Variants in CDK14 observed in about 807,000 individuals in gnomAD.
CDK14 encodes cyclin dependent kinase 14.
In CDK14, 34 loss-of-function variants were observed where a neutral mutation model predicts 60.7. The ratio of observed to expected loss-of-function variants is 0.56; its 90% CI spans 0.43 to 0.75. The LOEUF (loss-of-function observed/expected upper bound fraction) is 0.75. Among genes scored for constraint, CDK14 ranks in the 30% least tolerant of loss-of-function variants. The pLI is 0.00. For synonymous variants in CDK14, 197 were observed against 203.7 expected (o/e 0.97, Z 0.28); for missense variants, 482 against 564.1 (o/e 0.85, Z 1.47).
chr7:90,927,299 ATTC>A (rs1241882318), intron 8 of CDK14, among the ~76,000 whole-genome samples: 2 of 152,128 alleles, frequency 1.3e-5, no homozygotes, highest in Non-Finnish European at 2.9e-5. Context: ...GCCACCAGTC[ATTC>A]TTCTTAGCAT....
At chr7:90,923,273 C>T (rs1793307480) in intron 8 of CDK14, among the ~76,000 whole-genome samples, 2 of 151,944 alleles carry the variant, frequency 1.3e-5, no homozygotes, top group South Asian at 4.2e-4. Context: ...CCACTCCTGG[C>T]TAATTTTTTG....
intron 14 of CDK14, among the ~76,000 whole-genome samples, chr7:91,146,450 C>T (rs780538056): frequency 7.9e-5 from 12 of 151,442 alleles, no homozygotes; most frequent in African/African-American, 1.2e-4. Flanking sequence ...ATCTGCTTGC[C>T]TCAGCCTCCC....
intron 6 of CDK14, among the ~76,000 whole-genome samples, chr7:90,869,085 G>A (rs941247998): frequency 1.3e-5 from 2 of 152,180 alleles, no homozygotes; most frequent in Admixed American, 6.5e-5. Context: ...GTTTAAATCT[G>A]TGAAGAATGC....
intron 10 of CDK14, among the ~76,000 whole-genome samples, chr7:91,002,959 C>G (rs1795882488): frequency 6.6e-6 from 1 of 152,058 alleles, no homozygotes; most frequent in Non-Finnish European, 1.5e-5. Flanking sequence ...GTAGTCCCAG[C>G]TGTTTGGGAG....
At chr7:90,829,824 C>T (rs764786127) in intron 5 of CDK14, among the ~76,000 whole-genome samples, 23 of 152,176 alleles carry the variant, frequency 1.5e-4, no homozygotes, top group Non-Finnish European at 2.6e-4. Flanking sequence ...TGAGACACTG[C>T]CCGGCTAGTC....
At chr7:91,184,513 G>A (rs1281152377) in intron 14 of CDK14, among the ~76,000 whole-genome samples, 2 of 152,164 alleles carry the variant, frequency 1.3e-5, no homozygotes, top group African/African-American at 2.4e-5. Context: ...AGGCCCAAAT[G>A]AAGGGAAAGC....
At chr7:91,154,594 C>A (rs534973150) in intron 14 of CDK14, among the ~76,000 whole-genome samples, 39 of 152,206 alleles carry the variant, frequency 2.6e-4, no homozygotes, top group African/African-American at 9.1e-4. Context: ...AGAAGCAATT[C>A]CATCTCAGAT....
intron 14 of CDK14, among the ~76,000 whole-genome samples, chr7:91,134,182 A>C (rs1293670933): frequency 6.6e-6 from 1 of 152,138 alleles, no homozygotes; most frequent in Non-Finnish European, 1.5e-5. Flanking sequence ...GCCAAGACTA[A>C]TTCTACAACA....
intron 11 of CDK14, among the ~76,000 whole-genome samples, chr7:91,070,637 G>T (rs1268063031): frequency 6.6e-6 from 1 of 152,216 alleles, no homozygotes; most frequent in East Asian, 1.9e-4. Flanking sequence ...GCATGCTCCT[G>T]TAGTCCCAGC....
intron 8 of CDK14, among the ~76,000 whole-genome samples, chr7:90,917,949 A>T (rs893775080): frequency 2.0e-5 from 3 of 152,096 alleles, no homozygotes; most frequent in Non-Finnish European, 4.4e-5. Context: ...TTAATAATAA[A>T]CATAAATCAG....
intron 12 of CDK14, among the ~76,000 whole-genome samples, chr7:91,086,827 TATC>T (rs1798656070): frequency 6.6e-6 from 1 of 152,248 alleles, no homozygotes; most frequent in Non-Finnish European, 1.5e-5. Context: ...AATTTATTGA[TATC>T]ATTTTCATTT....
chr7:90,663,095 A>AACACACACAC (rs111918409), intron 2 of CDK14, among the ~76,000 whole-genome samples: 248 of 132,046 alleles, frequency 1.9e-3, no homozygotes, highest in African/African-American at 6.0e-3. Context: ...CTAAGATGGG[A>AACACACACAC]ACACACACAC....
At chr7:90,995,850 A>G (rs1014940462) in intron 10 of CDK14, among the ~76,000 whole-genome samples, 2 of 152,228 alleles carry the variant, frequency 1.3e-5, no homozygotes, top group Admixed American at 6.5e-5. Flanking sequence ...TCCGAGTCTC[A>G]GGGGATGGGA....
intron 2 of CDK14, among the ~76,000 whole-genome samples, chr7:90,655,503 C>T (rs545920651): frequency 2.0e-5 from 3 of 152,244 alleles, no homozygotes; most frequent in African/African-American, 7.2e-5. Context: ...GCCAGACATA[C>T]TTAGGCTTGA....
chr7:90,894,511 G>T (rs996845860), intron 6 of CDK14, among the ~76,000 whole-genome samples: 1 of 152,148 alleles, frequency 6.6e-6, no homozygotes, highest in Non-Finnish European at 1.5e-5. Flanking sequence ...TTCTAGAGAT[G>T]ATCTTTTTCC....
intron 10 of CDK14, among the ~76,000 whole-genome samples, chr7:91,022,202 T>C (rs1796450406): frequency 6.6e-6 from 1 of 152,194 alleles, no homozygotes; most frequent in South Asian, 2.1e-4. Context: ...ATATTCTGTC[T>C]GGGGCAGTGA....
intron 9 of CDK14, among the ~76,000 whole-genome samples, chr7:90,981,960 A>T (rs1795240017): frequency 6.6e-6 from 1 of 152,170 alleles, no homozygotes; most frequent in Non-Finnish European, 1.5e-5. Flanking sequence ...CCATCTACAT[A>T]TGCTAGTTTC....
At chr7:90,981,648 G>A (rs1168134473) in intron 9 of CDK14, among the ~76,000 whole-genome samples, 1 of 152,180 alleles carries the variant, frequency 6.6e-6, no homozygotes, top group African/African-American at 2.4e-5. Context: ...AGACACAAGT[G>A]TTTGCTTGCC....
chr7:90,632,820 G>A (rs1800033325), intron 2 of CDK14, among the ~76,000 whole-genome samples: 1 of 152,262 alleles, frequency 6.6e-6, no homozygotes, highest in East Asian at 1.9e-4. Flanking sequence ...TGGGCACGGT[G>A]GCTCACACCT....
Sources: gnomAD v4.1 joint callset for allele counts (sites outside exome capture counted in the v4.1 genomes callset) on GRCh38, gnomAD v4.1.1 for gene constraint, MANE v1.5 for transcripts, NCBI Gene and HGNC (gene_info 2026-07-23, HGNC 2026-07-21) for gene names.